Variants in SVOP observed in about 807,000 individuals in gnomAD.
SVOP encodes the protein synaptic vesicle 2-related protein.
In SVOP, 17 loss-of-function variants were observed where a neutral mutation model predicts 69.1. The observed-to-expected ratio is 0.25, with a 90% CI of 0.17 to 0.37. The LOEUF (loss-of-function observed/expected upper bound fraction) is 0.37. SVOP is among the 10% of genes least tolerant of loss of function. SVOP has a pLI of 1.00. For missense variants in SVOP, 435 were observed against 597.5 expected, an observed-to-expected ratio of 0.73 and a Z score of 2.84; for synonymous variants, 238 against 238.6, an observed-to-expected ratio of 1.00 and a Z score of 0.02.
At chr12:109,004,699 A>G (rs551132741) in intron 1 of SVOP, among the ~76,000 whole-genome samples, 1 of 135,274 alleles carries the variant, frequency 7.4e-6, no homozygotes, top group East Asian at 2.2e-4. Flanking sequence ...GGCCTGATAC[A>G]AGTATTTCAT....
At chr12:108,933,150 C>T (rs1035143637) in intron 11 of SVOP, among the ~76,000 whole-genome samples, 7 of 152,196 alleles carry the variant, frequency 4.6e-5, no homozygotes, top group African/African-American at 1.4e-4. Flanking sequence ...GCTGGGACTA[C>T]ATGCACGAGC....
At chr12:109,020,375 T>A (rs982619025) in intron 1 of SVOP, among the ~76,000 whole-genome samples, 32 of 152,300 alleles carry the variant, frequency 2.1e-4, no homozygotes, top group Non-Finnish European at 3.5e-4. Flanking sequence ...CAGTTTTTTT[T>A]ATCAACCAGT....
rs924615865 is a variant in SVOP at position 108,923,784 on chromosome 12, G to A, written c.1049-987C>T. On this transcript the variant is annotated intron_variant, in intron 11 of 15. Transcript: ENST00000610966. ...TACCCCTAACCTTTTTATTGAAAGC[G>A]AATTGGAGTGGAACCCAATGGCCAA... Among the ~76,000 whole-genome samples the A allele has an allele frequency of 2.6e-5, 4 of 152,006 alleles. 1 individual carries two copies. Among genetic ancestry groups the A allele is most frequent in the Admixed American group, 2.0e-4 (3 of 15,264 alleles).
chr12:108,924,876 G>A (rs1466926949), intron 11 of SVOP, among the ~76,000 whole-genome samples: 1 of 152,176 alleles, frequency 6.6e-6, no homozygotes, highest in African/African-American at 2.4e-5. Flanking sequence ...AGACATAATA[G>A]ATAAGGGAGA....
chr12:108,934,434 A>T (rs1030999546), intron 10 of SVOP, among the ~76,000 whole-genome samples, 163 bp from the exon 11 acceptor site: 1 of 152,144 alleles, frequency 6.6e-6, no homozygotes, highest in Non-Finnish European at 1.5e-5. Context: ...AGAAGATGGT[A>T]GGTAAAAAAG....
rs1322671800 is a variant in SVOP, at chr12:108,937,315, T to C, written c.920A>G (p.Asp307Gly). ...CCATCTAAAATGGGGTGTGAAAAGG[T>C]CCCTCATTTTGCCTCGGTCTTCCTG... ...SRQEDRGKMR[D>G]LFTPHFRWTT... Residue 307 changes from aspartate (D) to glycine (G), a missense_variant, in exon 10 of 16, where the codon GAC becomes GGC. Asp to Gly is a moderately conservative substitution (Grantham distance 94). Transcript: ENST00000610966. 6.2e-7 allele frequency: 1 copy of C among 1,613,826 alleles called. No individual in the cohort carries two copies. The highest frequency in any genetic ancestry group is 8.5e-7 in the Non-Finnish European group (1 of 1,179,838).
intron 2 of SVOP, among the ~76,000 whole-genome samples, chr12:108,982,661 A>G (rs986631048): frequency 0.037 from 5,379 of 145,354 alleles, 310 homozygotes; most frequent in African/African-American, 0.13. Flanking sequence ...CATCATCATG[A>G]TCACCATCAT....
chr12:108,933,562 C>T (rs2039836074), intron 11 of SVOP, among the ~76,000 whole-genome samples: 1 of 152,004 alleles, frequency 6.6e-6, no homozygotes, highest in Non-Finnish European at 1.5e-5. Flanking sequence ...CACCTGTAAT[C>T]CCAGCTACTT....
chr12:108,912,401 C>G lies in SVOP; in HGVS notation c.*134G>C, dbSNP rs1045612829. 34 of 1,521,476 alleles carry G rather than the reference C, an allele frequency of 2.2e-5. No homozygotes were observed. Among genetic ancestry groups the G allele is most frequent in the African/African-American group, 1.8e-4 (13 of 72,398 alleles). 94.2% of individuals were successfully genotyped at this position (1,521,476 alleles called of 1,614,324 possible). On this transcript the variant is annotated 3_prime_UTR_variant, in exon 16 of 16. Transcript: ENST00000610966. ...AAGATGAGCAAACTGAGTCAAGACA[C>G]AAAACCCTGTTGGTCCAGGTCATAC...
At chr12:109,003,564 C>T (rs2040286793) in intron 1 of SVOP, among the ~76,000 whole-genome samples, 1 of 152,124 alleles carries the variant, frequency 6.6e-6, no homozygotes, top group African/African-American at 2.4e-5. Context: ...GTACATTGAC[C>T]CTTGTAAAAA....
intron 14 of SVOP, among the ~76,000 whole-genome samples, chr12:108,917,422 C>T (rs1474125962): frequency 6.6e-6 from 1 of 152,210 alleles, no homozygotes; most frequent in Non-Finnish European, 1.5e-5. Flanking sequence ...TAAATTCTCT[C>T]CTGATCTACT....
chr12:108,918,508 T>A (rs1327646655), intron 13 of SVOP, among the ~76,000 whole-genome samples: 1 of 152,156 alleles, frequency 6.6e-6, no homozygotes, highest in Admixed American at 6.5e-5. Flanking sequence ...ATAATTCTGA[T>A]CCCAACCCTC....
At chr12:108,974,266 C>G (rs2137431927) in intron 4 of SVOP, among the ~76,000 whole-genome samples, 1 of 152,198 alleles carries the variant, frequency 6.6e-6, no homozygotes, top group African/African-American at 2.4e-5. Flanking sequence ...GGGAAACATT[C>G]CACACCACTC....
Position 108,912,534 on chromosome 12 carries a change from A to C in SVOP, c.*1T>G, listed in dbSNP as rs2039690591. On this transcript the variant is annotated 3_prime_UTR_variant, in exon 16 of 16. Transcript: ENST00000610966. ...AGACCAGCTCAGTCCCCCATCGGTC[A>C]CTATTCCTGAGAGCCAGAGTTCGAC... 6.2e-7 allele frequency: 1 copy of C among 1,613,762 alleles called. No individual in the cohort carries two copies. The highest frequency in any genetic ancestry group is 8.5e-7 in the Non-Finnish European group (1 of 1,179,700).
At chr12:109,004,429 T>TTTTTTTA (rs2040292799) in intron 1 of SVOP, among the ~76,000 whole-genome samples, 1 of 150,000 alleles carries the variant, frequency 6.7e-6, no homozygotes, top group Non-Finnish European at 1.5e-5. Context: ...TTTTTTTTTT[T>TTTTTTTA]GAGACAGGGT....
intron 1 of SVOP, among the ~76,000 whole-genome samples, chr12:109,017,148 G>A (rs977472071): frequency 3.3e-5 from 5 of 152,104 alleles, no homozygotes; most frequent in East Asian, 1.9e-4. Flanking sequence ...GTTAGGAACC[G>A]GGCTGCACAG....
At chr12:108,965,039 T>C (rs2040037274) in intron 5 of SVOP, among the ~76,000 whole-genome samples, 2 of 152,198 alleles carry the variant, frequency 1.3e-5, no homozygotes, top group Admixed American at 1.3e-4. Flanking sequence ...TACTGATATA[T>C]ATTATTCATC....
intron 5 of SVOP, among the ~76,000 whole-genome samples, chr12:108,965,730 G>A (rs982103232): frequency 6.6e-6 from 1 of 152,064 alleles, no homozygotes; most frequent in Non-Finnish European, 1.5e-5. Context: ...TGTGGCCTGT[G>A]GTATTCTCTA....
Position 108,915,888 on chromosome 12 carries a change from C to A in SVOP, c.1351-16G>T, listed in dbSNP as rs1207647472. The A allele has an allele frequency of 6.3e-7, 1 of 1,582,332 alleles. No homozygotes were observed. The highest frequency in any genetic ancestry group is 8.6e-7 in the Non-Finnish European group (1 of 1,164,668). ...TGGGGTAGACCTGAAACACAGCAGCCGGATATAGGCATGGGGACATGCAGG... is the reference window on the plus strand; with the variant it reads ...TGGGGTAGACCTGAAACACAGCAGCAGGATATAGGCATGGGGACATGCAGG... On this transcript the variant is annotated splice_polypyrimidine_tract_variant and intron_variant, in intron 14 of 15. Coordinates refer to ENST00000610966, the MANE Select transcript of SVOP (RefSeq NM_018711.5).
Sources: allele counts gnomAD v4.1 joint callset (sites outside exome capture counted in the v4.1 genomes callset), GRCh38; gene constraint gnomAD v4.1.1; transcripts MANE v1.5; gene names NCBI Gene and HGNC (gene_info 2026-07-23, HGNC 2026-07-21).